The following SOCS2 variants were observed in gnomAD, a reference collection of about 807,000 sequenced individuals.
SOCS2 encodes CIS-2.
A neutral mutation model predicts 18.6 loss-of-function variants in SOCS2; 10 were observed. The observed-to-expected ratio is 0.54, with a 90% CI of 0.33 to 0.91. The LOEUF (loss-of-function observed/expected upper bound fraction) is 0.91. Among genes scored for constraint, SOCS2 ranks in the 40% least tolerant of loss-of-function variants. The pLI is 0.02. For synonymous variants in SOCS2, 104 were observed against 104.0 expected (o/e 1.00, Z 0.00); for missense variants, 231 against 247.2 (o/e 0.93, Z 0.44).
upstream of SOCS2, chr12:93,571,499 C>T (rs1954250975): frequency 6.0e-6 from 1 of 165,586 alleles, no homozygotes; most frequent in Non-Finnish European, 1.3e-5. Context: ...ACCTGATCTC[C>T]CGCTCCTCCC....
At chr12:93,615,075 C>A in the SOCS2 span, among the ~76,000 whole-genome samples, 1 of 152,162 alleles carries the variant, frequency 6.6e-6, no homozygotes, top group Admixed American at 6.5e-5. Flanking sequence ...CTCTGAATCT[C>A]TCCTTATCTC....
the SOCS2 span, among the ~76,000 whole-genome samples, chr12:93,622,094 C>A: frequency 1.3e-5 from 2 of 152,126 alleles, no homozygotes; most frequent in African/African-American, 4.8e-5. Flanking sequence ...GCACAATTTT[C>A]TTTAGTTTGA....
chr12:93,585,622 G>A (rs903663145), downstream of SOCS2, among the ~76,000 whole-genome samples: 3 of 152,074 alleles, frequency 2.0e-5, no homozygotes, highest in African/African-American at 4.8e-5. Flanking sequence ...CTGACTTCAC[G>A]TAAACTTTAT....
chr12:93,619,988 T>C, the SOCS2 span, among the ~76,000 whole-genome samples: 1 of 152,252 alleles, frequency 6.6e-6, no homozygotes. Flanking sequence ...ATCTAATTAT[T>C]TGAGAGCTTC....
At chr12:93,601,676 C>G in the SOCS2 span, among the ~76,000 whole-genome samples, 3 of 152,134 alleles carry the variant, frequency 2.0e-5, no homozygotes, top group African/African-American at 7.2e-5. Flanking sequence ...TCTCAAAGAA[C>G]GAGCATTTAG....
upstream of SOCS2, chr12:93,571,844 C>T (rs1391792568): frequency 1.9e-5 from 8 of 421,902 alleles, no homozygotes; most frequent in African/African-American, 1.3e-4. Context: ...TCCCCCCACC[C>T]CCCCGCCCCA....
At chr12:93,578,359 T>TAATC (rs986891291), downstream of SOCS2, among the ~76,000 whole-genome samples, 1 of 152,150 alleles carries the variant, frequency 6.6e-6, no homozygotes, top group Non-Finnish European at 1.5e-5. Flanking sequence ...CTTCGTCAAG[T>TAATC]AATCCAAAGG....
downstream of SOCS2, among the ~76,000 whole-genome samples, chr12:93,581,414 AT>A (rs1211640539): frequency 0.013 from 1,808 of 144,242 alleles, 12 homozygotes; most frequent in Middle Eastern, 0.018. Flanking sequence ...TCAAGGAATG[AT>A]TTTTTTTTTT....
the SOCS2 span, among the ~76,000 whole-genome samples, chr12:93,613,397 C>T: frequency 7.6e-4 from 115 of 150,940 alleles, no homozygotes; most frequent in African/African-American, 2.4e-3. Flanking sequence ...TTGCTCCTTC[C>T]GCCCCTCCCA....
At chr12:93,620,032 T>C in the SOCS2 span, among the ~76,000 whole-genome samples, 10,728 of 152,300 alleles carry the variant, frequency 0.07, 762 homozygotes, top group African/African-American at 0.18. Flanking sequence ...TATCTTGGAA[T>C]TGGAAATTTT....
chr12:93,573,422 G>C, intron 1 of SOCS2: 1 of 411,572 alleles, frequency 2.4e-6, no homozygotes, highest in Non-Finnish European at 4.3e-6. Flanking sequence ...CGCAGGCCCA[G>C]CAGCATCTGG....
the SOCS2 span, among the ~76,000 whole-genome samples, chr12:93,614,369 CT>C: frequency 3.8e-5 from 2 of 52,396 alleles, no homozygotes; most frequent in Non-Finnish European, 1.1e-4. Context: ...TTCCTTCTTT[CT>C]TTCTTTCTTT....
chr12:93,618,951 T>C, the SOCS2 span, among the ~76,000 whole-genome samples: 3 of 152,162 alleles, frequency 2.0e-5, no homozygotes, highest in Admixed American at 6.5e-5. Context: ...TAGCTGGGCC[T>C]GCAGGCACAC....
chr12:93,589,098 A>T, the SOCS2 span, among the ~76,000 whole-genome samples: 1 of 152,192 alleles, frequency 6.6e-6, no homozygotes, highest in Non-Finnish European at 1.5e-5. Context: ...AACACGGAAA[A>T]CATCCATCCT....
chr12:93,586,641 A>G (rs1447362434), downstream of SOCS2, among the ~76,000 whole-genome samples: 1 of 151,122 alleles, frequency 6.6e-6, no homozygotes, highest in East Asian at 1.9e-4. Context: ...TTAATTTACA[A>G]CTCTACTGAA....
At chr12:93,573,824 G>A (rs914463890) in intron 1 of SOCS2, 5 of 152,082 alleles carry the variant, frequency 3.3e-5, no homozygotes, top group African/African-American at 1.2e-4. Context: ...CTCCCGGGGA[G>A]GCACCGGCAG....
At chr12:93,602,947 A>G in the SOCS2 span, among the ~76,000 whole-genome samples, 1 of 152,170 alleles carries the variant, frequency 6.6e-6, no homozygotes, top group Non-Finnish European at 1.5e-5. Context: ...GGCCTGGCCT[A>G]GAGAGCGCTG....
At chr12:93,573,099 A>C (rs1178373904) in intron 1 of SOCS2, 63 bp downstream of exon 1, 14 of 1,534,246 alleles carry the variant, frequency 9.1e-6, no homozygotes, top group African/African-American at 6.8e-5. Context: ...AGCAGCTAGG[A>C]AGCGGGGTCG....
At chr12:93,574,615 C>A (rs1216487529) in intron 1 of SOCS2, 107 bp from the exon 2 acceptor site, 293 of 589,402 alleles carry the variant, frequency 5.0e-4, no homozygotes, top group Middle Eastern at 1.0e-3. Context: ...TTTTTTTTTT[C>A]TTTTTTAGAG....
Sources: allele counts gnomAD v4.1 joint callset (sites outside exome capture counted in the v4.1 genomes callset), GRCh38; gene constraint gnomAD v4.1.1; transcripts MANE v1.5; gene names NCBI Gene and HGNC (gene_info 2026-07-23, HGNC 2026-07-21).